TARS3: variants seen among roughly 807,000 people sequenced by gnomAD.
The protein encoded by TARS3 is threonine--tRNA ligase 2, cytoplasmic.
Under a neutral mutation model 103.5 loss-of-function variants are expected in TARS3, and 94 were observed. The ratio of observed to expected loss-of-function variants is 0.91; its 90% CI spans 0.77 to 1.08. TARS3 has a LOEUF of 1.08. Ranked by LOEUF, TARS3 falls within the 50% of genes least tolerant of loss-of-function variation. The probability of loss-of-function intolerance (pLI) is 0.00; values close to 1 mark genes in which losing one functional copy is unlikely to be tolerated. For missense variants in TARS3, 952 were observed against 995.2 expected, an observed-to-expected ratio of 0.96 and a Z score of 0.58; for synonymous variants, 416 against 355.4, an observed-to-expected ratio of 1.17 and a Z score of -1.92.
At chr15:101,667,206 T>A (rs531647313) in intron 15 of TARS3, among the ~76,000 whole-genome samples, 60 of 152,308 alleles carry the variant, frequency 3.9e-4, no homozygotes, top group African/African-American at 1.2e-3. Context: ...CGTGCTGTCA[T>A]CTAGGCTTTG....
chr15:101,724,015 G>C (rs1900631072), intron 1 of TARS3, 76 bp downstream of exon 1: 1 of 1,286,140 alleles, frequency 7.8e-7, no homozygotes. Context: ...TGCCCCCGCA[G>C]TTGAAAACCT....
At chr15:101,655,585 C>A (rs1465067518) in intron 18 of TARS3, among the ~76,000 whole-genome samples, 2 of 111,752 alleles carry the variant, frequency 1.8e-5, no homozygotes, top group African/African-American at 3.6e-5. Flanking sequence ...GGCACTAGGG[C>A]GCAAATGAGA....
chr15:101,661,653 A>C, intron 16 of TARS3, 59 bp downstream of exon 16: 5 of 1,046,264 alleles, frequency 4.8e-6, no homozygotes, highest in Non-Finnish European at 6.8e-6. Flanking sequence ...AAAATGAGTA[A>C]ATTAATAAAA....
chr15:101,705,842 A>G (rs1461627249), intron 6 of TARS3, 95 bp from the exon 7 acceptor site: 2 of 1,044,786 alleles, frequency 1.9e-6, no homozygotes, highest in African/African-American at 1.6e-5. Context: ...AAGGTCATCT[A>G]CTGATGTTCT....
At chr15:101,704,113 C>T (rs1899421126) in intron 7 of TARS3, among the ~76,000 whole-genome samples, 176 bp from the exon 8 acceptor site, 1 of 152,156 alleles carries the variant, frequency 6.6e-6, no homozygotes, top group African/African-American at 2.4e-5. Context: ...GTCCACTCTG[C>T]CCTCTAGATT....
At chr15:101,710,217 T>C (rs1354782571) in intron 5 of TARS3, among the ~76,000 whole-genome samples, 2 of 152,214 alleles carry the variant, frequency 1.3e-5, no homozygotes, top group Non-Finnish European at 2.9e-5. Context: ...CAGAGACACA[T>C]GGCATCTCTG....
At chr15:101,670,462 T>TA (rs1431994232) in intron 15 of TARS3, among the ~76,000 whole-genome samples, 1 of 152,174 alleles carries the variant, frequency 6.6e-6, no homozygotes, top group African/African-American at 2.4e-5. Context: ...AATCAAAAGA[T>TA]AATGAAATAC....
intron 2 of TARS3, 37 bp from the exon 3 acceptor site, chr15:101,721,359 C>T (rs1567362357): frequency 2.6e-6 from 4 of 1,529,128 alleles, no homozygotes; most frequent in African/African-American, 1.4e-5. Flanking sequence ...TTAATATATA[C>T]AGCCTACTGT....
chr15:101,710,888 CGTG>C (rs1346847357), intron 5 of TARS3, among the ~76,000 whole-genome samples: 1 of 151,894 alleles, frequency 6.6e-6, no homozygotes, highest in Non-Finnish European at 1.5e-5. Context: ...TGGATGGTGG[CGTG>C]GTGGTGAAGA....
intron 18 of TARS3, 129 bp from the exon 19 acceptor site, chr15:101,654,859 G>T: frequency 2.3e-6 from 2 of 876,886 alleles, no homozygotes; most frequent in Admixed American, 2.7e-5. Context: ...ATGAGCATTT[G>T]GTTCATCCTC....
intron 3 of TARS3, among the ~76,000 whole-genome samples, chr15:101,716,409 T>C (rs964961784): frequency 3.3e-5 from 5 of 152,098 alleles, no homozygotes; most frequent in African/African-American, 1.2e-4. Context: ...CATTGATGTT[T>C]TGTTTATATC....
At chr15:101,719,756 C>T (rs1900352180) in intron 3 of TARS3, among the ~76,000 whole-genome samples, 1 of 152,214 alleles carries the variant, frequency 6.6e-6, no homozygotes, top group Non-Finnish European at 1.5e-5. Flanking sequence ...AGAAACCCTA[C>T]CTAGGAGACA....
At chr15:101,672,937 A>G (rs777786470) in intron 13 of TARS3, among the ~76,000 whole-genome samples, 4 of 152,162 alleles carry the variant, frequency 2.6e-5, no homozygotes, top group Non-Finnish European at 4.4e-5. Flanking sequence ...AAAGCCAAGG[A>G]AAGGCCAAGT....
At chr15:101,721,093 A>G (rs1488622470) in intron 3 of TARS3, 33 bp downstream of exon 3, 1 of 1,558,602 alleles carries the variant, frequency 6.4e-7, no homozygotes, top group Admixed American at 1.7e-5. Context: ...ATAATTACTT[A>G]AGATTGAATA....
At chr15:101,694,972 T>G (rs1221295902) in intron 10 of TARS3, among the ~76,000 whole-genome samples, 1 of 152,162 alleles carries the variant, frequency 6.6e-6, no homozygotes, top group African/African-American at 2.4e-5. Context: ...GAGTTTCGGA[T>G]TTGCAACGTG....
In TARS3 at chr15:101,686,037, G is replaced by T. The variant is rs370885055; in HGVS notation, c.1346C>A (p.Thr449Lys). 1 of 1,610,498 alleles carries T rather than the reference G, an allele frequency of 6.2e-7. No homozygotes were observed. The highest frequency in any genetic ancestry group is 1.7e-5 in the Admixed American group (1 of 59,604). ...GTACATATTGGGAGAGAGCACCTCC[G>T]TGAAGTCCCGTTTGTGATATTCCTC... is the stretch of plus-strand genomic sequence containing the variant. Reference protein sequence around the residue: ...IREEYHKRDFTEVLSPNMYNS... With the variant: ...IREEYHKRDFKEVLSPNMYNS... Residue 449 changes from threonine (T) to lysine (K), a missense_variant, in exon 11 of 19, where the codon ACG becomes AAG. By Grantham distance (78) the Thr-to-Lys change is moderately conservative (BLOSUM62 -1). Transcript: ENST00000335968.
chr15:101,704,553 G>A (rs1489359296), intron 7 of TARS3, among the ~76,000 whole-genome samples: 1 of 151,896 alleles, frequency 6.6e-6, no homozygotes, highest in East Asian at 1.9e-4. Context: ...TACTTGGGAG[G>A]CTGAGGCAGG....
At chr15:101,674,846 T>C (rs1049522048) in intron 13 of TARS3, among the ~76,000 whole-genome samples, 5 of 151,646 alleles carry the variant, frequency 3.3e-5, no homozygotes, top group Admixed American at 1.3e-4. Context: ...GGGCATTAAA[T>C]TTGTGGGTTG....
intron 16 of TARS3, among the ~76,000 whole-genome samples, chr15:101,660,397 A>C (rs1355909865): frequency 1.3e-5 from 2 of 152,240 alleles, no homozygotes; most frequent in African/African-American, 2.4e-5. Context: ...TTCTGAATGC[A>C]TGGTGATAGT....
Sources: gnomAD v4.1 joint callset for allele counts (sites outside exome capture counted in the v4.1 genomes callset) on GRCh38, gnomAD v4.1.1 for gene constraint, MANE v1.5 for transcripts, NCBI Gene and HGNC (gene_info 2026-07-23, HGNC 2026-07-21) for gene names.